DECR1: variants seen among roughly 807,000 people sequenced by gnomAD.
The protein encoded by DECR1 is 2,4-dienoyl-CoA reductase [(3E)-enoyl-CoA-producing], mitochondrial.
Under a neutral mutation model 38.8 loss-of-function variants are expected in DECR1, and 44 were observed. That is an observed-to-expected ratio of 1.13 (90% CI 0.89 to 1.46). The LOEUF is 1.46. DECR1 is among the 40% of genes most tolerant of loss of function. The pLI is 0.00. For synonymous variants in DECR1, 148 were observed against 135.2 expected (o/e 1.09, Z -0.66); for missense variants, 428 against 405.5 (o/e 1.06, Z -0.48).
At chr8:90,027,170 A>C (rs1813368991) in intron 5 of DECR1, among the ~76,000 whole-genome samples, 1 of 152,140 alleles carries the variant, frequency 6.6e-6, no homozygotes, top group Non-Finnish European at 1.5e-5. Flanking sequence ...AATAAGTGAG[A>C]TGTGGTACTG....
Position 90,019,236 on chromosome 8 carries a change from G to A in DECR1, c.417+64G>A, listed in dbSNP as rs140398782. The A allele has an allele frequency of 2.3e-5, 30 of 1,292,338 alleles. No individual in the cohort carries two copies. In the East Asian group the frequency reaches 6.5e-4, roughly 28 times the overall value. The allele number at this position is 1,292,338 out of a possible 1,614,324, so 80.1% of individuals were successfully genotyped here. A position where few individuals can be genotyped will look rare whatever the true frequency, so the allele number is the denominator to read the frequency against. ...TGATGTTGATAACACCCACCAACAT[G>A]TACAAAGGAAATAAAATATTGATAC... On this transcript the variant is annotated intron_variant, in intron 4 of 9. Transcript: ENST00000220764.
rs535656260 is a variant in DECR1 at position 90,038,097 on chromosome 8, G to A, written c.665+1157G>A. On this transcript the variant is annotated intron_variant, in intron 6 of 9. Transcript: ENST00000220764. ...TTATTGTGTACCTTATATATGCTTCGTCCTAGGGATATGATAGTGATGGAA... is the reference window on the plus strand; with the variant it reads ...TTATTGTGTACCTTATATATGCTTCATCCTAGGGATATGATAGTGATGGAA... 2.1e-3 allele frequency among the ~76,000 whole-genome samples: 317 copies of A among 152,066 alleles called. 2 individuals carry two copies. The highest frequency in any genetic ancestry group is 3.1e-3 in the Non-Finnish European group (208 of 67,994).
At chr8:90,036,794 G>A (rs1216605595) in intron 5 of DECR1, 47 bp from the exon 6 acceptor site, 1 of 1,193,518 alleles carries the variant, frequency 8.4e-7, no homozygotes, top group South Asian at 1.3e-5. Flanking sequence ...CTTATGTGTA[G>A]TGATACATCT....
At chr8:90,018,182 C>T (rs1463479124) in intron 2 of DECR1, among the ~76,000 whole-genome samples, 1 of 152,220 alleles carries the variant, frequency 6.6e-6, no homozygotes, top group Non-Finnish European at 1.5e-5. Flanking sequence ...GCCACCGCGC[C>T]CAGCCAGTAC....
rs1586142624 is a variant in DECR1 at position 90,017,417 on chromosome 8, G to T, written c.272+91G>T. 4.6e-6 allele frequency: 4 copies of T among 874,510 alleles called. 1 individual carries two copies. In the South Asian group the frequency reaches 6.2e-5, roughly 14 times the overall value. The allele number at this position is 874,510 out of a possible 1,614,324, so 54.2% of individuals were successfully genotyped here. ...AAAACACTGTTCGCCAGAGTTGTTTGATTAGCATCTTAATCTTATATGAAA... is the reference window on the plus strand; with the variant it reads ...AAAACACTGTTCGCCAGAGTTGTTTTATTAGCATCTTAATCTTATATGAAA... On this transcript the variant is annotated intron_variant, in intron 2 of 9. Transcript: ENST00000220764.
intron 5 of DECR1, among the ~76,000 whole-genome samples, chr8:90,028,299 T>G: frequency 6.6e-6 from 1 of 152,202 alleles, no homozygotes; most frequent in East Asian, 1.9e-4. Context: ...TTACTTAACA[T>G]TCAAGTTAAA....
At chr8:90,046,044 C>T (rs892890886) in intron 8 of DECR1, among the ~76,000 whole-genome samples, 2 of 152,116 alleles carry the variant, frequency 1.3e-5, no homozygotes, top group Admixed American at 6.6e-5. Context: ...GTCACCATCA[C>T]GAAAGACCAA....
chr8:90,018,533 G>GT (rs11329386), intron 2 of DECR1: 33 of 155,500 alleles, frequency 2.1e-4, no homozygotes, highest in Non-Finnish European at 3.4e-4. Context: ...TCTATTCATA[G>GT]TTTTTTTTGT....
chr8:90,002,672 G>A (rs1812645797), intron 1 of DECR1, among the ~76,000 whole-genome samples: 1 of 152,198 alleles, frequency 6.6e-6, no homozygotes, highest in Non-Finnish European at 1.5e-5. Flanking sequence ...AAAAATATGG[G>A]CAGCAGTAGT....
chr8:90,034,943 A>G (rs1486238242), intron 5 of DECR1, among the ~76,000 whole-genome samples: 1 of 152,178 alleles, frequency 6.6e-6, no homozygotes, highest in Non-Finnish European at 1.5e-5. Flanking sequence ...TCTCTATAAT[A>G]TCATTTTCAT....
At chr8:90,036,978 C>A in intron 6 of DECR1, 38 bp downstream of exon 6, 2 of 1,431,152 alleles carry the variant, frequency 1.4e-6, no homozygotes, top group Non-Finnish European at 2.0e-6. Flanking sequence ...CTGAACATAA[C>A]TAATACAGTT....
rs757107112 is a variant in DECR1, at chr8:90,018,938, A to C, written c.302A>C (p.Glu101Ala). 1 of 1,595,658 alleles carries C rather than the reference A, an allele frequency of 6.3e-7. No individual in the cohort carries two copies. The highest frequency in any genetic ancestry group is 8.6e-7 in the Non-Finnish European group (1 of 1,166,812). Residue 101 changes from glutamate to alanine, a missense_variant, in exon 3 of 10, where the codon GAA becomes GCA. Transcript: ENST00000220764. ...ATGGATGTTTTGAAAGCTACCGCAG[A>C]ACAAATTTCTTCTCAAACTGGAAAT... Reference protein sequence around the residue: ...RKMDVLKATAEQISSQTGNKV... With the variant: ...RKMDVLKATAAQISSQTGNKV...
At chr8:90,024,880 A>G (rs1352597205) in intron 5 of DECR1, among the ~76,000 whole-genome samples, 2 of 152,046 alleles carry the variant, frequency 1.3e-5, no homozygotes, top group African/African-American at 4.8e-5. Flanking sequence ...TTAATCCATC[A>G]TGAATAAATT....
At chr8:90,045,129 A>T in intron 8 of DECR1, 134 bp downstream of exon 8, 12 of 699,310 alleles carry the variant, frequency 1.7e-5, no homozygotes, top group Non-Finnish European at 2.5e-5. Context: ...AAATAATATA[A>T]AATATTATAT....
intron 8 of DECR1, among the ~76,000 whole-genome samples, chr8:90,047,555 A>G (rs562435559): frequency 6.6e-6 from 1 of 152,338 alleles, no homozygotes; most frequent in African/African-American, 2.4e-5. Context: ...AGACCTACAA[A>G]GAGACTTAGA....
chr8:90,020,809 A>G, intron 4 of DECR1, 100 bp from the exon 5 acceptor site: 1 of 931,056 alleles, frequency 1.1e-6, no homozygotes. Context: ...CTTCAACTTT[A>G]TTGTATTATT....
At chr8:90,024,547 C>T (rs1181116017) in intron 5 of DECR1, among the ~76,000 whole-genome samples, 1 of 152,160 alleles carries the variant, frequency 6.6e-6, no homozygotes, top group Non-Finnish European at 1.5e-5. Context: ...AATCCTTCGC[C>T]TACTTTTTGT....
chr8:90,033,507 C>G (rs1813546536), intron 5 of DECR1, among the ~76,000 whole-genome samples: 1 of 152,118 alleles, frequency 6.6e-6, no homozygotes, highest in Non-Finnish European at 1.5e-5. Context: ...GTGACTAACC[C>G]TGGGGATCTA....
At chr8:90,048,569 A>T (rs964957320) in intron 8 of DECR1, among the ~76,000 whole-genome samples, 1 of 152,240 alleles carries the variant, frequency 6.6e-6, no homozygotes, top group African/African-American at 2.4e-5. Context: ...AAAAAAGTCC[A>T]GGACCAGACA....
Sources: gnomAD v4.1 joint callset for allele counts (sites outside exome capture counted in the v4.1 genomes callset) on GRCh38, gnomAD v4.1.1 for gene constraint, MANE v1.5 for transcripts, NCBI Gene and HGNC (gene_info 2026-07-23, HGNC 2026-07-21) for gene names.